Variants in CNBD1 observed in about 807,000 individuals in gnomAD.
The protein encoded by CNBD1 is cyclic nucleotide-binding domain-containing protein 1.
CNBD1 carries 71 observed loss-of-function variants against 54.4 expected under a neutral mutation model. The ratio of observed to expected loss-of-function variants is 1.30; its 90% CI spans 1.08 to 1.59. The LOEUF is 1.59. Ranked by LOEUF, CNBD1 falls within the 40% of genes most tolerant of loss-of-function variation. The pLI, the probability that CNBD1 is intolerant of heterozygous loss-of-function variation, is 0.00. For missense variants in CNBD1, 659 were observed against 518.0 expected, an observed-to-expected ratio of 1.27 and a Z score of -2.64; for synonymous variants, 182 against 170.7, an observed-to-expected ratio of 1.07 and a Z score of -0.51.
intron 4 of CNBD1, among the ~76,000 whole-genome samples, chr8:86,993,064 C>G (rs968403274): frequency 2.6e-5 from 4 of 152,090 alleles, no homozygotes; most frequent in Non-Finnish European, 5.9e-5. Flanking sequence ...GTTGCTTACT[C>G]TCTCTCCTTC....
intron 4 of CNBD1, among the ~76,000 whole-genome samples, chr8:87,162,090 A>AC: frequency 1.3e-5 from 2 of 152,246 alleles, no homozygotes; most frequent in African/African-American, 4.8e-5. Flanking sequence ...GTCTTCAAAC[A>AC]CATGCAAAGT....
intron 6 of CNBD1, among the ~76,000 whole-genome samples, chr8:87,280,638 C>CA (rs1049638679): frequency 6.6e-6 from 1 of 151,348 alleles, no homozygotes; most frequent in African/African-American, 2.4e-5. Context: ...AAAATAAGGA[C>CA]AAAAATTATA....
Position 87,054,650 on chromosome 8 carries a change from A to C in CNBD1, c.431+114896A>C, listed in dbSNP as rs183479366. On this transcript the variant is annotated intron_variant, in intron 4 of 10. Coordinates refer to ENST00000518476, the MANE Select transcript of CNBD1 (RefSeq NM_173538.3). ...AACGAAAGGAAGAAAATGCAACAGA[A>C]AACTCTGGAAGTCCTGGTGCCAATA... 9.8e-4 allele frequency among the ~76,000 whole-genome samples: 150 copies of C among 152,334 alleles called. 1 individual carries two copies. Among genetic ancestry groups the C allele is most frequent in the African/African-American group, 3.4e-3 (141 of 41,574 alleles).
intron 1 of CNBD1, among the ~76,000 whole-genome samples, chr8:86,884,104 A>G (rs1054475280): frequency 1.3e-5 from 2 of 151,568 alleles, no homozygotes; most frequent in African/African-American, 2.4e-5. Flanking sequence ...GTGAGCCGAG[A>G]TCCCGCCACT....
downstream of CNBD1, among the ~76,000 whole-genome samples, chr8:87,387,056 TGAGA>T (rs1330887255): frequency 2.6e-5 from 4 of 152,128 alleles, no homozygotes; most frequent in Non-Finnish European, 1.5e-5. Context: ...AAGGAAATGC[TGAGA>T]GATTCTGTCA....
chr8:86,894,035 A>ATTT (rs869060076), intron 2 of CNBD1, among the ~76,000 whole-genome samples: 1,544 of 52,346 alleles, frequency 0.029, 498 homozygotes, highest in Admixed American at 0.045. Context: ...TAATAGATTA[A>ATTT]TTTTTTTTTT....
At chr8:86,968,928 T>C (rs1344478884) in intron 4 of CNBD1, among the ~76,000 whole-genome samples, 2 of 152,174 alleles carry the variant, frequency 1.3e-5, no homozygotes, top group Non-Finnish European at 2.9e-5. Flanking sequence ...ATTGACAAGG[T>C]GAAATTCAGC....
At chr8:87,094,380 AT>A (rs1382038613) in intron 4 of CNBD1, among the ~76,000 whole-genome samples, 1 of 148,858 alleles carries the variant, frequency 6.7e-6, no homozygotes, top group Non-Finnish European at 1.5e-5. Context: ...GGTTTTTAAA[AT>A]TTTTTTATTT....
At chr8:87,355,168 A>C (rs1000809162) in intron 10 of CNBD1, among the ~76,000 whole-genome samples, 1 of 152,236 alleles carries the variant, frequency 6.6e-6, no homozygotes, top group African/African-American at 2.4e-5. Context: ...CAACATAGCT[A>C]TACACTGCCC....
At chr8:87,195,161 G>C (rs909740641) in intron 4 of CNBD1, among the ~76,000 whole-genome samples, 2 of 151,392 alleles carry the variant, frequency 1.3e-5, no homozygotes, top group African/African-American at 4.9e-5. Flanking sequence ...GGGATTACAG[G>C]CATGAGCCAC....
chr8:87,265,370 T>A (rs1162862391), intron 6 of CNBD1, among the ~76,000 whole-genome samples: 2 of 152,172 alleles, frequency 1.3e-5, no homozygotes, highest in Admixed American at 6.5e-5. Context: ...ATCTCTGTTT[T>A]GGTACCAGTA....
chr8:87,068,907 A>G (rs1007146193), intron 4 of CNBD1, among the ~76,000 whole-genome samples: 2 of 152,044 alleles, frequency 1.3e-5, no homozygotes, highest in African/African-American at 4.8e-5. Context: ...ACACTCTCAT[A>G]CAGAAAGAAA....
intron 8 of CNBD1, among the ~76,000 whole-genome samples, chr8:87,317,106 G>C (rs190784539): frequency 5.3e-5 from 8 of 151,834 alleles, no homozygotes; most frequent in African/African-American, 1.4e-4. Context: ...GGGGTGAACT[G>C]TCTGACTAGA....
intron 10 of CNBD1, among the ~76,000 whole-genome samples, chr8:87,373,641 A>G (rs1810865528): frequency 6.6e-6 from 1 of 151,812 alleles, no homozygotes; most frequent in Non-Finnish European, 1.5e-5. Flanking sequence ...TTGTCTGTAG[A>G]TGAAAGAAAA....
intron 1 of CNBD1, among the ~76,000 whole-genome samples, chr8:86,885,686 TA>T (rs1218752560): frequency 2.6e-5 from 4 of 152,206 alleles, no homozygotes; most frequent in African/African-American, 9.6e-5. Context: ...CAAGATCCAT[TA>T]TGTTGCTCAA....
At chr8:87,267,905 T>G (rs561190084) in intron 6 of CNBD1, among the ~76,000 whole-genome samples, 3 of 152,214 alleles carry the variant, frequency 2.0e-5, no homozygotes, top group Non-Finnish European at 4.4e-5. Flanking sequence ...ATTTTAACTA[T>G]ACACAAAAAT....
At chr8:86,963,688 A>T (rs929292231) in intron 4 of CNBD1, among the ~76,000 whole-genome samples, 6 of 152,188 alleles carry the variant, frequency 3.9e-5, no homozygotes, top group Admixed American at 2.0e-4. Context: ...CTTCACGGTC[A>T]TGCTAAGAGA....
intron 3 of CNBD1, among the ~76,000 whole-genome samples, chr8:86,920,541 T>C (rs1383706696): frequency 6.6e-6 from 1 of 152,184 alleles, no homozygotes; most frequent in Non-Finnish European, 1.5e-5. Context: ...GCAATGTGCA[T>C]ATTGTATGCT....
chr8:87,162,426 C>T (rs1812876901), intron 4 of CNBD1, among the ~76,000 whole-genome samples: 1 of 151,926 alleles, frequency 6.6e-6, no homozygotes, highest in South Asian at 2.1e-4. Context: ...TAAGTATCTG[C>T]ATAAGTTGGA....
Sources: gnomAD v4.1 joint callset for allele counts (sites outside exome capture counted in the v4.1 genomes callset) on GRCh38, gnomAD v4.1.1 for gene constraint, MANE v1.5 for transcripts, NCBI Gene and HGNC (gene_info 2026-07-23, HGNC 2026-07-21) for gene names.